GABBR2: variants seen among roughly 807,000 people sequenced by gnomAD.
The protein encoded by GABBR2 is G-protein coupled receptor 51.
GABBR2 carries 23 observed loss-of-function variants against 105.6 expected under a neutral mutation model. The observed-to-expected ratio is 0.22, with a 90% confidence interval of 0.16 to 0.31. The LOEUF (loss-of-function observed/expected upper bound fraction) is 0.31. Among genes scored for constraint, GABBR2 ranks in the 10% least tolerant of loss-of-function variants. The pLI, the probability that GABBR2 is intolerant of heterozygous loss-of-function variation, is 1.00. For synonymous variants in GABBR2, 478 were observed against 499.7 expected (o/e 0.96, Z 0.58); for missense variants, 734 against 1,245.5 (o/e 0.59, Z 6.18).
intron 16 of GABBR2, among the ~76,000 whole-genome samples, chr9:98,301,698 T>A (rs529701803): frequency 3.9e-4 from 59 of 152,312 alleles, no homozygotes; most frequent in Non-Finnish European, 6.8e-4. Context: ...GTGGCCTGGG[T>A]TTCCTAATGT....
At chr9:98,419,451 C>T (rs1294070986) in intron 7 of GABBR2, among the ~76,000 whole-genome samples, 1 of 152,204 alleles carries the variant, frequency 6.6e-6, no homozygotes, top group Admixed American at 6.5e-5. Flanking sequence ...AAGACCATGG[C>T]CGTCGGGGGC....
At chr9:98,657,977 A>G (rs1830205337) in intron 1 of GABBR2, among the ~76,000 whole-genome samples, 1 of 152,256 alleles carries the variant, frequency 6.6e-6, no homozygotes, top group South Asian at 2.1e-4. Flanking sequence ...TAAATCACCC[A>G]GTCTCAGGTA....
At chr9:98,340,182 G>GTTTTTTTTT (rs1564023658) in intron 13 of GABBR2, among the ~76,000 whole-genome samples, 1 of 149,258 alleles carries the variant, frequency 6.7e-6, no homozygotes. Flanking sequence ...TCCAGTGAGG[G>GTTTTTTTTT]GTTTTTTTTT....
At chr9:98,701,705 G>A (rs1045497468) in intron 1 of GABBR2, among the ~76,000 whole-genome samples, 1 of 152,054 alleles carries the variant, frequency 6.6e-6, no homozygotes, top group African/African-American at 2.4e-5. Context: ...CTATGATACC[G>A]GCAGAAGGAA....
intron 11 of GABBR2, among the ~76,000 whole-genome samples, chr9:98,381,365 C>T (rs539835245): frequency 5.5e-4 from 84 of 152,316 alleles, no homozygotes; most frequent in Non-Finnish European, 7.1e-4. Flanking sequence ...CTTGCAGCTC[C>T]CCACTCGGTG....
chr9:98,522,624 G>A (rs904415338), intron 3 of GABBR2, among the ~76,000 whole-genome samples: 30 of 152,160 alleles, frequency 2.0e-4, no homozygotes, highest in Non-Finnish European at 5.9e-5. Flanking sequence ...AAGCTACAGA[G>A]AGAAATTGTG....
At chr9:98,368,872 C>T (rs1312497432) in intron 12 of GABBR2, among the ~76,000 whole-genome samples, 4 of 152,204 alleles carry the variant, frequency 2.6e-5, no homozygotes, top group Non-Finnish European at 5.9e-5. Context: ...AAAACACAGG[C>T]TCCTGGGCTC....
chr9:98,453,834 C>T, intron 7 of GABBR2, 147 bp downstream of exon 7: 1 of 665,700 alleles, frequency 1.5e-6, no homozygotes, highest in Non-Finnish European at 2.7e-6. Context: ...CTTGTCTGAA[C>T]AGCCCTGCAA....
intron 13 of GABBR2, among the ~76,000 whole-genome samples, chr9:98,357,561 T>C (rs958429077): frequency 2.0e-5 from 3 of 151,992 alleles, no homozygotes; most frequent in African/African-American, 7.2e-5. Flanking sequence ...GGCTGGGGGA[T>C]CACCTGAGCC....
intron 1 of GABBR2, among the ~76,000 whole-genome samples, chr9:98,626,349 T>C (rs1049503131): frequency 2.0e-5 from 3 of 152,206 alleles, no homozygotes; most frequent in Non-Finnish European, 4.4e-5. Context: ...TCTGTGAATA[T>C]ATCAAAAACA....
intron 7 of GABBR2, among the ~76,000 whole-genome samples, chr9:98,416,615 G>A (rs892111515): frequency 6.6e-6 from 1 of 152,232 alleles, no homozygotes; most frequent in African/African-American, 2.4e-5. Context: ...GCCCTGCTAT[G>A]TCCCTTTGAG....
At position 98,453,989 on chromosome 9, in the gene GABBR2, C is replaced by T; in HGVS notation, c.1228G>A (p.Gly410Arg). The change falls in exon 7 of 19, where the codon GGG becomes AGG. Residue 410 changes from glycine (G) to arginine (R), a missense_variant. This residue lies in a region of GABBR2 where 370 missense variants were observed against 648.9 expected (regional missense o/e 0.57). Coordinates refer to ENST00000259455, the MANE Select transcript of GABBR2 (RefSeq NM_005458.8). ...AGAGGCATGGGACTGACCGTGACCC[C>T]GAAGAAGTTGGTCTCGTTCATGGCA... is the stretch of plus-strand genomic sequence containing the variant. ...LNAMNETNFF[G>R]VTGQVVFRNG... The T allele has an allele frequency of 1.2e-6, 2 of 1,611,686 alleles. No individual in the cohort carries two copies. The highest frequency in any genetic ancestry group is 1.7e-6 in the Non-Finnish European group (2 of 1,177,738).
intron 3 of GABBR2, among the ~76,000 whole-genome samples, chr9:98,524,809 T>C (rs1827928525): frequency 6.6e-6 from 1 of 151,900 alleles, no homozygotes; most frequent in African/African-American, 2.4e-5. Flanking sequence ...CTAAGTCAGA[T>C]AAAATCCCTC....
intron 12 of GABBR2, among the ~76,000 whole-genome samples, chr9:98,365,275 G>A (rs1831656644): frequency 6.6e-6 from 1 of 152,224 alleles, no homozygotes; most frequent in Non-Finnish European, 1.5e-5. Flanking sequence ...GGTATGGAAA[G>A]CATTTAGTAC....
intron 1 of GABBR2, chr9:98,581,070 G>A (rs954377011): frequency 2.5e-4 from 38 of 152,450 alleles, no homozygotes; most frequent in African/African-American, 8.4e-4. Flanking sequence ...CCTGGGCCTC[G>A]GGGAGCTCAC....
chr9:98,565,800 C>A (rs1828743307), intron 2 of GABBR2, among the ~76,000 whole-genome samples: 1 of 152,204 alleles, frequency 6.6e-6, no homozygotes, highest in African/African-American at 2.4e-5. Context: ...GGATGTGAAC[C>A]CCAGCCTATC....
intron 2 of GABBR2, among the ~76,000 whole-genome samples, chr9:98,576,001 A>G (rs1192895843): frequency 6.6e-6 from 1 of 152,110 alleles, no homozygotes; most frequent in Non-Finnish European, 1.5e-5. Flanking sequence ...CACCTACCAT[A>G]GCACCTGCCC....
Position 98,473,277 on chromosome 9 carries a change from A to C in GABBR2, c.868T>G (p.Trp290Gly). Residue 290 changes from tryptophan (W) to glycine (G), a missense_variant, in exon 6 of 19, where the codon TGG (tryptophan) becomes GGG (glycine). Trp to Gly is a radical substitution (Grantham distance 184). This residue lies in a region of GABBR2 where 370 missense variants were observed against 648.9 expected (regional missense o/e 0.57). Transcript: ENST00000259455. ...IIPGWYEPSW[W>G]EQVHTEANSS... is the part of the protein sequence containing the mutation. ...TTGGCTTCCGTGTGCACCTGCTCCCACCAAGAAGGCTCGTACCAGCCCGGA... is the reference window on the plus strand; with the variant it reads ...TTGGCTTCCGTGTGCACCTGCTCCCCCCAAGAAGGCTCGTACCAGCCCGGA... 1 of 1,613,626 alleles carries C rather than the reference A, an allele frequency of 6.2e-7. No individual in the cohort carries two copies. The highest frequency in any genetic ancestry group is 8.5e-7 in the Non-Finnish European group (1 of 1,179,726).
intron 1 of GABBR2, among the ~76,000 whole-genome samples, chr9:98,609,801 C>T (rs925260432): frequency 6.6e-6 from 1 of 152,206 alleles, no homozygotes; most frequent in Admixed American, 6.5e-5. Flanking sequence ...GCCCCGTCTG[C>T]TACCCTACTC....
Sources: allele counts gnomAD v4.1 joint callset (sites outside exome capture counted in the v4.1 genomes callset), GRCh38; gene constraint gnomAD v4.1.1; regional missense constraint gnomAD v4.1.1; transcripts MANE v1.5; gene names NCBI Gene and HGNC (gene_info 2026-07-23, HGNC 2026-07-21).